The following ZNF141 variants were observed in gnomAD, a reference collection of about 807,000 sequenced individuals.
ZNF141 encodes the protein zinc finger protein 141.
Under a neutral mutation model 11.3 loss-of-function variants are expected in ZNF141, and 7 were observed. The ratio of observed to expected loss-of-function variants is 0.62; its 90% CI spans 0.35 to 1.16. ZNF141 has a LOEUF of 1.16. Among genes scored for constraint, ZNF141 ranks in the 50% most tolerant of loss-of-function variants. The probability of loss-of-function intolerance (pLI) is 0.02; values close to 1 mark genes in which losing one functional copy is unlikely to be tolerated. For missense variants in ZNF141, 535 were observed against 554.0 expected, an observed-to-expected ratio of 0.97 and a Z score of 0.34; for synonymous variants, 183 against 190.7, an observed-to-expected ratio of 0.96 and a Z score of 0.33.
rs1712537364 is a variant in ZNF141, at chr4:379,893, A to T, written c.*6031A>T. Among the ~76,000 whole-genome samples, 1 of 152,246 alleles carries T rather than the reference A, an allele frequency of 6.6e-6. No individual in the cohort carries two copies. Among genetic ancestry groups the T allele is most frequent in the African/African-American group, 2.4e-5 (1 of 41,466 alleles). ...CTGCTTAACAAATACTTCACCACAC[A>T]TAATTACTTTTGGGATAAGAGCTCA... On this transcript the variant is annotated 3_prime_UTR_variant, in exon 4 of 4. Coordinates refer to ENST00000240499, the MANE Select transcript of ZNF141 (RefSeq NM_003441.4).
chr4:345,474 A>G (rs1460443329), intron 3 of ZNF141, among the ~76,000 whole-genome samples: 3 of 152,146 alleles, frequency 2.0e-5, no homozygotes, highest in Non-Finnish European at 4.4e-5. Context: ...CACATAAAAT[A>G]CACTAACACT....
At chr4:363,397 C>G (rs545619625) in intron 3 of ZNF141, among the ~76,000 whole-genome samples, 1 of 152,296 alleles carries the variant, frequency 6.6e-6, no homozygotes, top group South Asian at 2.1e-4. Flanking sequence ...CTGGCCAGAA[C>G]TTCCAACACT....
rs954157952 is a variant in ZNF141, at chr4:374,064, G to A, written c.*202G>A. On this transcript the variant is annotated 3_prime_UTR_variant, in exon 4 of 4. Coordinates refer to ENST00000240499, the MANE Select transcript of ZNF141 (RefSeq NM_003441.4). ...GTACAAATGTGAAGAATATGGCAAA[G>A]CCTGTGAATGGTCCACAAACCTGAA... is the stretch of plus-strand genomic sequence containing the variant. 2.0e-5 allele frequency: 12 copies of A among 605,856 alleles called. No homozygotes were observed. The African/African-American group carries it at 2.2e-4, about 11-fold the overall frequency. 37.5% of individuals were successfully genotyped at this position (605,856 alleles called of 1,614,324 possible).
At chr4:342,010 G>A (rs1023984405) in intron 1 of ZNF141, among the ~76,000 whole-genome samples, 3 of 152,090 alleles carry the variant, frequency 2.0e-5, no homozygotes, top group African/African-American at 7.2e-5. Flanking sequence ...CCTCTGAATT[G>A]TACTTAACAC....
chr4:366,047 T>G (rs782644975), intron 3 of ZNF141, among the ~76,000 whole-genome samples: 6 of 152,232 alleles, frequency 3.9e-5, no homozygotes, highest in Non-Finnish European at 7.3e-5. Context: ...TATAGCATAT[T>G]TCGGAGTCAG....
At chr4:369,764 A>ATCTATTTTTTTTTTTTTTT in intron 3 of ZNF141, among the ~76,000 whole-genome samples, 1 of 48,742 alleles carries the variant, frequency 2.1e-5, no homozygotes, top group Non-Finnish European at 3.1e-5. Context: ...ATATATATAT[A>ATCTATTTTTTTTTTTTTTT]TTTTTTTTTT....
chr4:349,494 T>C (rs1721491189), intron 3 of ZNF141, among the ~76,000 whole-genome samples: 1 of 152,246 alleles, frequency 6.6e-6, no homozygotes, highest in African/African-American at 2.4e-5. Flanking sequence ...TCCAGTCACA[T>C]GTTAAGATAG....
rs1025225767 is a variant in ZNF141, at chr4:376,335, A to G, written c.*2473A>G. 2.6e-4 allele frequency among the ~76,000 whole-genome samples: 39 copies of G among 152,164 alleles called. No individual in the cohort carries two copies. The highest frequency in any genetic ancestry group is 7.7e-4 in the African/African-American group (32 of 41,566). The stretch of plus-strand genomic sequence containing the variant: ...TATTTTCCGAAATTTTTGTGGGTAC[A>G]TAGTATGCATATTTATCTATGGCAT... On this transcript the variant is annotated 3_prime_UTR_variant, in exon 4 of 4. Transcript: ENST00000240499.
rs1030126170 is a variant in ZNF141 at position 375,457 on chromosome 4, G to A, written c.*1595G>A. ...AACAGTTTACACTAGAAAATATTTT[G>A]TAGATGCAGTAAATGTGAAGAAATA... On this transcript the variant is annotated 3_prime_UTR_variant, in exon 4 of 4. Transcript: ENST00000240499. Among the ~76,000 whole-genome samples the A allele has an allele frequency of 6.6e-6, 1 of 152,156 alleles. No individual in the cohort carries two copies. Among genetic ancestry groups the A allele is most frequent in the East Asian group, 1.9e-4 (1 of 5,186 alleles).
At position 373,432 on chromosome 4, in the gene ZNF141, T is replaced by C. The variant is rs781814816; in HGVS notation, c.995T>C (p.Ile332Thr). 2.5e-6 allele frequency: 4 copies of C among 1,614,050 alleles called. No individual in the cohort carries two copies. The highest frequency in any genetic ancestry group is 1.6e-4 in the Middle Eastern group (1 of 6,062). Reference sequence around the variant, plus strand: ...ACAACCCTTACTAAACATAAGAGAATTCATACTGGAGAGAAACCCTACACA... The same window carrying C: ...ACAACCCTTACTAAACATAAGAGAACTCATACTGGAGAGAAACCCTACACA... ...RSTTLTKHKR[I>T]HTGEKPYTCE... Residue 332 changes from isoleucine to threonine, a missense_variant, in exon 4 of 4, where the codon ATT (isoleucine) becomes ACT (threonine). By Grantham distance (89) the Ile-to-Thr change is moderately conservative. Transcript: ENST00000240499.
At position 367,894 on chromosome 4, in the gene ZNF141, T is replaced by C. The variant is rs1711827186; in HGVS notation, c.227-4770T>C. Among the ~76,000 whole-genome samples the C allele has an allele frequency of 2.0e-5, 3 of 152,304 alleles. No homozygotes were observed. The South Asian group carries it at 6.2e-4, about 32-fold the overall frequency. ...ACACGTGCAGAACATCCAGATTTTG[T>C]TACATAGGTATACACGTGCCATAAA... On this transcript the variant is annotated intron_variant, in intron 3 of 3. Transcript: ENST00000240499.
At chr4:368,122 AT>A (rs1464103698) in intron 3 of ZNF141, among the ~76,000 whole-genome samples, 1 of 152,088 alleles carries the variant, frequency 6.6e-6, no homozygotes, top group Non-Finnish European at 1.5e-5. Flanking sequence ...GACTCATGCA[AT>A]TTTTGTCTCT....
Position 379,986 on chromosome 4 carries a change from T to C in ZNF141, c.*6124T>C, listed in dbSNP as rs1712541281. Reference sequence around the variant, plus strand: ...TAACTGTAGTCACCATGCTGTACAATAGATTTCTTGAATTTATTCCTCCTA... The same window carrying C: ...TAACTGTAGTCACCATGCTGTACAACAGATTTCTTGAATTTATTCCTCCTA... On this transcript the variant is annotated 3_prime_UTR_variant, in exon 4 of 4. Coordinates refer to ENST00000240499, the MANE Select transcript of ZNF141 (RefSeq NM_003441.4). Among the ~76,000 whole-genome samples, 1 of 152,220 alleles carries C rather than the reference T, an allele frequency of 6.6e-6. No individual in the cohort carries two copies. The highest frequency in any genetic ancestry group is 1.5e-5 in the Non-Finnish European group (1 of 68,032).
At chr4:369,611 C>T (rs918157639) in intron 3 of ZNF141, among the ~76,000 whole-genome samples, 1 of 150,386 alleles carries the variant, frequency 6.6e-6, no homozygotes. Flanking sequence ...ATCTCTGTCC[C>T]TTATTTTCTT....
intron 3 of ZNF141, among the ~76,000 whole-genome samples, 166 bp downstream of exon 3, chr4:344,596 TC>T (rs1721231902): frequency 6.6e-6 from 1 of 151,942 alleles, no homozygotes; most frequent in African/African-American, 2.4e-5. Context: ...GAGATCGAGA[TC>T]ATCCTGGCCA....
intron 3 of ZNF141, among the ~76,000 whole-genome samples, chr4:363,100 T>G (rs1302481961): frequency 6.6e-6 from 1 of 152,178 alleles, no homozygotes; most frequent in Non-Finnish European, 1.5e-5. Flanking sequence ...TCACATCCCT[T>G]GTAAGTTGGA....
At chr4:346,904 C>T (rs543658253) in intron 3 of ZNF141, among the ~76,000 whole-genome samples, 1 of 149,752 alleles carries the variant, frequency 6.7e-6, no homozygotes, top group Non-Finnish European at 1.5e-5. Flanking sequence ...CCGCCCCCCC[C>T]ATATATTGGC....
At position 377,579 on chromosome 4, in the gene ZNF141, C is replaced by T. The variant is rs527414587; in HGVS notation, c.*3717C>T. ...GTTCTCTTCATTCCACGTAATTTCA[C>T]GTGGACTTTAGGTTAACTGGGGTGT... On this transcript the variant is annotated 3_prime_UTR_variant, in exon 4 of 4. Coordinates refer to ENST00000240499, the MANE Select transcript of ZNF141 (RefSeq NM_003441.4). 1.1e-4 allele frequency among the ~76,000 whole-genome samples: 17 copies of T among 152,196 alleles called. No individual in the cohort carries two copies. The highest frequency in any genetic ancestry group is 3.4e-4 in the African/African-American group (14 of 41,522).
At chr4:357,689 C>CTTTCTTT (rs1263352808) in intron 3 of ZNF141, among the ~76,000 whole-genome samples, 5 of 149,072 alleles carry the variant, frequency 3.4e-5, no homozygotes, top group African/African-American at 1.2e-4. Flanking sequence ...TTCAGTCACT[C>CTTTCTTT]TTTCTTTTTT....
Sources: allele counts gnomAD v4.1 joint callset (sites outside exome capture counted in the v4.1 genomes callset), GRCh38; gene constraint gnomAD v4.1.1; transcripts MANE v1.5; gene names NCBI Gene and HGNC (gene_info 2026-07-23, HGNC 2026-07-21).